Variants in XKR6 observed in about 807,000 individuals in gnomAD.
The protein encoded by XKR6 is XK related 6.
A neutral mutation model predicts 56.7 loss-of-function variants in XKR6; 22 were observed. That is an observed-to-expected ratio of 0.39 (90% confidence interval 0.28 to 0.55). The LOEUF is 0.55. Ranked by LOEUF, XKR6 falls within the 20% of genes least tolerant of loss-of-function variation. The probability of loss-of-function intolerance (pLI) is 0.66; values close to 1 mark genes in which losing one functional copy is unlikely to be tolerated. For missense variants in XKR6, 852 were observed against 889.0 expected (o/e 0.96, Z 0.53); for synonymous variants, 524 against 387.8 (o/e 1.35, Z -4.13).
At chr8:11,194,974 A>C in intron 1 of XKR6, 1 of 542,246 alleles carries the variant, frequency 1.8e-6, no homozygotes, top group Non-Finnish European at 3.2e-6. Flanking sequence ...ATTTACCATA[A>C]ATGTCAAGTT....
chr8:11,092,951 C>A (rs1317267116), intron 1 of XKR6, among the ~76,000 whole-genome samples: 2 of 152,240 alleles, frequency 1.3e-5, no homozygotes, highest in Non-Finnish European at 2.9e-5. Context: ...GCCTCCTGCC[C>A]ACCATGCAGC....
chr8:11,125,444 G>C (rs115255538), intron 1 of XKR6, among the ~76,000 whole-genome samples: 46 of 152,254 alleles, frequency 3.0e-4, no homozygotes, highest in African/African-American at 1.0e-3. Context: ...CTCCATGGTT[G>C]AGTATGAGAT....
intron 1 of XKR6, among the ~76,000 whole-genome samples, chr8:11,150,482 T>C (rs1801219754): frequency 6.6e-6 from 1 of 152,196 alleles, no homozygotes; most frequent in Admixed American, 6.5e-5. Context: ...TCTGGAAACT[T>C]CTCTGATTCC....
At chr8:10,997,002 T>C (rs1226709796) in intron 1 of XKR6, among the ~76,000 whole-genome samples, 1 of 152,088 alleles carries the variant, frequency 6.6e-6, no homozygotes, top group East Asian at 1.9e-4. Flanking sequence ...ACAACAAATG[T>C]CTGCTTTTAA....
At chr8:10,908,893 G>A (rs866856488) in intron 2 of XKR6, among the ~76,000 whole-genome samples, 15 of 152,296 alleles carry the variant, frequency 9.8e-5, no homozygotes, top group Middle Eastern at 6.8e-3. Flanking sequence ...GACTGGGCAC[G>A]GTGGCTCACG....
At chr8:11,052,748 C>T (rs915251614) in intron 1 of XKR6, among the ~76,000 whole-genome samples, 5 of 151,156 alleles carry the variant, frequency 3.3e-5, no homozygotes, top group Admixed American at 2.6e-4. Flanking sequence ...ATGGCCTTGC[C>T]CACCGGGAGT....
chr8:11,150,941 T>TGG (rs1801240439), intron 1 of XKR6, among the ~76,000 whole-genome samples: 2 of 151,644 alleles, frequency 1.3e-5, no homozygotes, highest in African/African-American at 2.4e-5. Context: ...CAAACCATAA[T>TGG]AAAGATGTGT....
At chr8:11,117,555 GA>G (rs1415542863) in intron 1 of XKR6, among the ~76,000 whole-genome samples, 1 of 152,118 alleles carries the variant, frequency 6.6e-6, no homozygotes, top group Non-Finnish European at 1.5e-5. Context: ...ATAACATCCA[GA>G]AATGTCACAT....
At chr8:11,196,477 G>A (rs930681517) in intron 1 of XKR6, among the ~76,000 whole-genome samples, 7 of 152,154 alleles carry the variant, frequency 4.6e-5, no homozygotes, top group African/African-American at 1.7e-4. Flanking sequence ...AAAACATGGA[G>A]TACCATTAGT....
chr8:11,083,057 T>G (rs2129170379), intron 1 of XKR6, among the ~76,000 whole-genome samples: 1 of 152,296 alleles, frequency 6.6e-6, no homozygotes, highest in South Asian at 2.1e-4. Flanking sequence ...GCCCTGAGGT[T>G]TCTGATCCTG....
At chr8:11,150,536 G>T (rs1801221694) in intron 1 of XKR6, among the ~76,000 whole-genome samples, 1 of 152,042 alleles carries the variant, frequency 6.6e-6, no homozygotes, top group Admixed American at 6.6e-5. Flanking sequence ...TGGAAAAGAG[G>T]AGCTGGACAG....
chr8:11,071,443 ACCT>A (rs1457153471), intron 1 of XKR6, among the ~76,000 whole-genome samples: 1 of 143,426 alleles, frequency 7.0e-6, no homozygotes, highest in Non-Finnish European at 1.5e-5. Context: ...GTTTCATACA[ACCT>A]CATTTTACAC....
chr8:11,046,310 G>C (rs1799409562), intron 1 of XKR6, among the ~76,000 whole-genome samples: 1 of 152,154 alleles, frequency 6.6e-6, no homozygotes, highest in South Asian at 2.1e-4. Flanking sequence ...TGAGGCAGAA[G>C]AATCACTTGA....
intron 1 of XKR6, among the ~76,000 whole-genome samples, chr8:11,080,595 C>CA (rs1797684564): frequency 6.6e-6 from 1 of 151,880 alleles, no homozygotes; most frequent in Non-Finnish European, 1.5e-5. Context: ...CTGGGCAGGC[C>CA]CCCAGGTGGC....
chr8:10,958,516 G>C (rs1218673865), intron 1 of XKR6, among the ~76,000 whole-genome samples: 1 of 152,190 alleles, frequency 6.6e-6, no homozygotes, highest in African/African-American at 2.4e-5. Context: ...CAAGGCTAGT[G>C]GTTTGGGAGG....
rs1033859220 is a variant in XKR6 at position 11,029,843 on chromosome 8, C to G, written c.765-105013G>C. Among the ~76,000 whole-genome samples, 16 of 152,110 alleles carry G rather than the reference C, an allele frequency of 1.1e-4. 1 individual carries two copies. Among genetic ancestry groups the G allele is most frequent in the African/African-American group, 3.9e-4 (16 of 41,404 alleles). The stretch of plus-strand genomic sequence containing the variant: ...ATTCTCAATTTCCCCTTCAAAATCT[C>G]TCTTGGGTTCTTACCTTTCTATCCC... On this transcript the variant is annotated intron_variant, in intron 1 of 2. Coordinates refer to ENST00000416569, the MANE Select transcript of XKR6 (RefSeq NM_173683.4).
intron 1 of XKR6, among the ~76,000 whole-genome samples, chr8:11,047,548 C>T (rs954468575): frequency 5.3e-5 from 8 of 152,126 alleles, no homozygotes; most frequent in Middle Eastern, 3.2e-3. Flanking sequence ...CATGATTCCA[C>T]ATCTGTGAGG....
intron 1 of XKR6, among the ~76,000 whole-genome samples, chr8:11,165,747 C>T (rs745574979): frequency 5.9e-5 from 9 of 152,068 alleles, no homozygotes; most frequent in Non-Finnish European, 1.2e-4. Context: ...CAGAAAGACA[C>T]CATACATTCT....
At chr8:10,958,304 T>C (rs551830289) in intron 1 of XKR6, among the ~76,000 whole-genome samples, 16 of 152,358 alleles carry the variant, frequency 1.1e-4, no homozygotes, top group Admixed American at 6.5e-5. Context: ...GCCTGAGTGC[T>C]GGGGCTTGGG....
Sources: allele counts gnomAD v4.1 joint callset (sites outside exome capture counted in the v4.1 genomes callset), GRCh38; gene constraint gnomAD v4.1.1; transcripts MANE v1.5; gene names NCBI Gene and HGNC (gene_info 2026-07-23, HGNC 2026-07-21).